Variants in TYR observed in about 807,000 individuals in gnomAD.
The protein encoded by TYR is tyrosinase.
A neutral mutation model predicts 51.5 loss-of-function variants in TYR; 58 were observed. That is an observed-to-expected ratio of 1.13 (90% CI 0.91 to 1.40). TYR has a LOEUF of 1.40. TYR is among the 40% of genes most tolerant of loss of function. The pLI, the probability that TYR is intolerant of heterozygous loss-of-function variation, is 0.00. For missense variants in TYR, 732 were observed against 647.4 expected, an observed-to-expected ratio of 1.13 and a Z score of -1.42; for synonymous variants, 263 against 235.2, an observed-to-expected ratio of 1.12 and a Z score of -1.08.
intron 2 of TYR, among the ~76,000 whole-genome samples, chr11:89,215,736 G>T (rs997542207): frequency 6.6e-6 from 1 of 152,066 alleles, no homozygotes; most frequent in African/African-American, 2.4e-5. Context: ...ATCAAATAGT[G>T]TTCATAGTGT....
chr11:89,199,362 C>A (rs1186538781), intron 2 of TYR, among the ~76,000 whole-genome samples: 3 of 152,010 alleles, frequency 2.0e-5, no homozygotes, highest in Non-Finnish European at 2.9e-5. Flanking sequence ...TTGTTCATGC[C>A]AAATATGAAT....
chr11:89,285,327 T>C (rs1158909094), intron 4 of TYR, among the ~76,000 whole-genome samples: 1 of 151,680 alleles, frequency 6.6e-6, no homozygotes, highest in South Asian at 2.1e-4. Flanking sequence ...CCAGAACACA[T>C]TAAAGAATTA....
At position 89,245,693 on chromosome 11, in the gene TYR, C is replaced by T. The variant is rs373342967; in HGVS notation, c.1184+17723C>T. On this transcript the variant is annotated intron_variant, in intron 3 of 4. Transcript: ENST00000263321. Reference sequence around the variant, plus strand: ...ATCCCAGCACTTTGGGAGGCCAAGGCGGGCGGATTATGAGGTCAGGAGATC... The same window carrying T: ...ATCCCAGCACTTTGGGAGGCCAAGGTGGGCGGATTATGAGGTCAGGAGATC... Among the ~76,000 whole-genome samples, 61 of 152,140 alleles carry T rather than the reference C, an allele frequency of 4.0e-4. 1 individual carries two copies. In the East Asian group the frequency reaches 9.5e-3, roughly 24 times the overall value.
chr11:89,218,541 T>C (rs1483146952), intron 2 of TYR, among the ~76,000 whole-genome samples: 1 of 152,142 alleles, frequency 6.6e-6, no homozygotes, highest in African/African-American at 2.4e-5. Flanking sequence ...CTGGAATAGT[T>C]TCAGTAAAGT....
At chr11:89,191,816 T>C (rs1483419531) in intron 2 of TYR, among the ~76,000 whole-genome samples, 2 of 152,170 alleles carry the variant, frequency 1.3e-5, no homozygotes, top group Non-Finnish European at 2.9e-5. Flanking sequence ...GTGAAATATA[T>C]GAATATATTC....
chr11:89,265,561 G>C (rs1944515871), intron 3 of TYR, among the ~76,000 whole-genome samples: 1 of 152,018 alleles, frequency 6.6e-6, no homozygotes, highest in Non-Finnish European at 1.5e-5. Context: ...ACTATCACAA[G>C]TCCATTTGGT....
At chr11:89,224,897 G>A (rs1157914231) in intron 2 of TYR, among the ~76,000 whole-genome samples, 2 of 150,962 alleles carry the variant, frequency 1.3e-5, no homozygotes, top group African/African-American at 4.9e-5. Context: ...TCTTGCTTGA[G>A]TTGTCAGTTG....
chr11:89,259,507 T>C (rs982820522), intron 3 of TYR, among the ~76,000 whole-genome samples: 5 of 152,078 alleles, frequency 3.3e-5, no homozygotes, highest in Non-Finnish European at 1.5e-5. Flanking sequence ...GGAAATAACA[T>C]CAAATATTAC....
intron 2 of TYR, among the ~76,000 whole-genome samples, chr11:89,192,919 C>A (rs1430511615): frequency 6.6e-6 from 1 of 152,086 alleles, no homozygotes; most frequent in African/African-American, 2.4e-5. Flanking sequence ...AGATAATCTG[C>A]CCCCAGCTTT....
intron 2 of TYR, among the ~76,000 whole-genome samples, chr11:89,220,200 T>G (rs1260957857): frequency 6.6e-6 from 1 of 152,154 alleles, no homozygotes; most frequent in Non-Finnish European, 1.5e-5. Flanking sequence ...GGAAGCACAG[T>G]GCTGACATCT....
At chr11:89,211,996 G>A (rs1057203435) in intron 2 of TYR, among the ~76,000 whole-genome samples, 1 of 152,112 alleles carries the variant, frequency 6.6e-6, no homozygotes, top group East Asian at 1.9e-4. Flanking sequence ...GAGAAAGCAG[G>A]AAATATCTAA....
intron 3 of TYR, among the ~76,000 whole-genome samples, chr11:89,258,739 G>T (rs1353878673): frequency 6.6e-6 from 1 of 152,030 alleles, no homozygotes; most frequent in Admixed American, 6.6e-5. Context: ...CTAAGCCTTT[G>T]CATAGGTTCA....
chr11:89,242,382 AT>A (rs5793397), intron 3 of TYR, among the ~76,000 whole-genome samples: 69,019 of 151,050 alleles, frequency 0.46, 16,877 homozygotes, highest in African/African-American at 0.65. Flanking sequence ...TAATTTGGGC[AT>A]TTTTTTTTAG....
At chr11:89,275,921 C>A (rs776147616) in intron 3 of TYR, among the ~76,000 whole-genome samples, 3 of 151,822 alleles carry the variant, frequency 2.0e-5, no homozygotes, top group Non-Finnish European at 4.4e-5. Context: ...TCAGGCTGAA[C>A]TTAAAATATG....
chr11:89,272,520 G>A (rs1024624994), intron 3 of TYR, among the ~76,000 whole-genome samples: 10 of 151,800 alleles, frequency 6.6e-5, no homozygotes, highest in South Asian at 6.2e-4. Context: ...GGTAGATTTA[G>A]TGTTTTTGAT....
intron 2 of TYR, among the ~76,000 whole-genome samples, chr11:89,209,000 G>C (rs1249610502): frequency 6.6e-6 from 1 of 152,152 alleles, no homozygotes; most frequent in Non-Finnish European, 1.5e-5. Context: ...AAGAGCTCTG[G>C]TCTACATCTC....
chr11:89,198,106 T>C (rs1943547142), intron 2 of TYR, among the ~76,000 whole-genome samples: 1 of 152,020 alleles, frequency 6.6e-6, no homozygotes, highest in African/African-American at 2.4e-5. Context: ...TAAACAAGAA[T>C]AGTGTGTGTA....
chr11:89,227,661 G>A (rs568415107), intron 2 of TYR, among the ~76,000 whole-genome samples, 162 bp from the exon 3 acceptor site: 27 of 152,160 alleles, frequency 1.8e-4, no homozygotes, highest in Admixed American at 1.6e-3. Context: ...AATACACACT[G>A]GGTATCCAGA....
Position 89,276,841 on chromosome 11 carries a change from C to T in TYR, c.1185-7932C>T, listed in dbSNP as rs1479529677. 2.0e-5 allele frequency among the ~76,000 whole-genome samples: 3 copies of T among 151,904 alleles called. No individual in the cohort carries two copies. In the South Asian group the frequency reaches 6.2e-4, roughly 31 times the overall value. On this transcript the variant is annotated intron_variant, in intron 3 of 4. Transcript: ENST00000263321. ...AAACACACAGAGAACAGGGTACTTA[C>T]TATTATTAGTAACAGAGTGGTAGCC...
Sources: gnomAD v4.1 joint callset for allele counts (sites outside exome capture counted in the v4.1 genomes callset) on GRCh38, gnomAD v4.1.1 for gene constraint, MANE v1.5 for transcripts, NCBI Gene and HGNC (gene_info 2026-07-23, HGNC 2026-07-21) for gene names.